The following PLCB4 variants were observed in gnomAD, a reference collection of about 807,000 sequenced individuals.
The protein encoded by PLCB4 is 1-phosphatidylinositol 4,5-bisphosphate phosphodiesterase beta-4.
In PLCB4, 77 loss-of-function variants were observed where a neutral mutation model predicts 178.8. The observed-to-expected ratio is 0.43, with a 90% CI of 0.36 to 0.52. PLCB4 has a LOEUF of 0.52. Ranked by LOEUF, PLCB4 falls within the 20% of genes least tolerant of loss-of-function variation. The pLI is 0.00. For synonymous variants in PLCB4, 496 were observed against 490.8 expected, an observed-to-expected ratio of 1.01 and a Z score of -0.14; for missense variants, 1,024 against 1,453.4, an observed-to-expected ratio of 0.70 and a Z score of 4.80.
chr20:9,140,954 G>A (rs926895837), intron 2 of PLCB4, among the ~76,000 whole-genome samples: 7 of 152,016 alleles, frequency 4.6e-5, no homozygotes, highest in Admixed American at 1.3e-4. Context: ...GACTAGCCTC[G>A]TTTCAGGGAA....
At position 9,338,067 on chromosome 20, in the gene PLCB4, G is replaced by GCAA; in HGVS notation, c.225_225+1insCAA (p.Lys75_Asp76insGln). 6.2e-7 allele frequency: 1 copy of GCAA among 1,600,104 alleles called. No homozygotes were observed. The highest frequency in any genetic ancestry group is 8.6e-7 in the Non-Finnish European group (1 of 1,167,550). On this transcript the variant is annotated inframe_insertion and splice_region_variant. Coordinates refer to ENST00000378473, the MANE Select transcript of PLCB4 (RefSeq NM_001377142.1). Reference sequence around the variant, plus strand: ...GTATTCGGTCGGGAGCCATACCAAAGGTACCTGTGATTGGTATTTGCTTTT... The same window carrying GCAA: ...GTATTCGGTCGGGAGCCATACCAAAGCAAGTACCTGTGATTGGTATTTGCTTTT...
At chr20:9,428,773 G>A (rs918017519) in intron 28 of PLCB4, among the ~76,000 whole-genome samples, 1 of 152,108 alleles carries the variant, frequency 6.6e-6, no homozygotes, top group Non-Finnish European at 1.5e-5. Context: ...GGTGGGGAGG[G>A]GGAGTGTAGG....
intron 12 of PLCB4, 139 bp downstream of exon 12, chr20:9,373,243 A>G (rs1490037655): frequency 5.7e-6 from 3 of 529,052 alleles, no homozygotes; most frequent in Non-Finnish European, 1.0e-5. Flanking sequence ...TGGCTTTACC[A>G]GGTGCAAAAA....
At chr20:9,464,019 A>G (rs1051274210) in intron 35 of PLCB4, among the ~76,000 whole-genome samples, 3 of 152,184 alleles carry the variant, frequency 2.0e-5, no homozygotes, top group African/African-American at 4.8e-5. Context: ...AATTGACAAC[A>G]TAATTGGAAG....
chr20:9,251,768 A>G (rs1414906267), intron 3 of PLCB4, among the ~76,000 whole-genome samples: 2 of 152,162 alleles, frequency 1.3e-5, no homozygotes, highest in African/African-American at 4.8e-5. Context: ...ATCTTGACCA[A>G]TGTTGTTTAA....
At chr20:9,127,859 A>G (rs2092164120) in intron 2 of PLCB4, among the ~76,000 whole-genome samples, 1 of 151,786 alleles carries the variant, frequency 6.6e-6, no homozygotes, top group African/African-American at 2.4e-5. Flanking sequence ...TACTTTTTGT[A>G]TTTTTTTAGT....
Position 9,265,338 on chromosome 20 carries a change from C to T in PLCB4, c.-15-42462C>T, listed in dbSNP as rs1335673619. 3.3e-5 allele frequency among the ~76,000 whole-genome samples: 5 copies of T among 152,194 alleles called. No homozygotes were observed. In the East Asian group the frequency reaches 9.7e-4, roughly 29 times the overall value. On this transcript the variant is annotated intron_variant, in intron 3 of 39. Transcript: ENST00000378473. ...TCTCTACTAAAAATACAAAAATTAGCTGGGCATGTTGCCACACGCCTGTAA... is the reference window on the plus strand; with the variant it reads ...TCTCTACTAAAAATACAAAAATTAGTTGGGCATGTTGCCACACGCCTGTAA...
intron 32 of PLCB4, among the ~76,000 whole-genome samples, chr20:9,448,577 A>G (rs1052813122): frequency 5.9e-5 from 9 of 151,688 alleles, no homozygotes; most frequent in Non-Finnish European, 8.8e-5. Flanking sequence ...GCAGCCCAAC[A>G]CAAATTTGTA....
chr20:9,427,648 G>A (rs2041116961), intron 28 of PLCB4, among the ~76,000 whole-genome samples: 1 of 152,230 alleles, frequency 6.6e-6, no homozygotes, highest in Non-Finnish European at 1.5e-5. Context: ...GGCTTTATCA[G>A]TGTTAGACAC....
chr20:9,139,272 T>C (rs900738268), intron 2 of PLCB4, among the ~76,000 whole-genome samples: 21 of 152,228 alleles, frequency 1.4e-4, no homozygotes, highest in African/African-American at 4.3e-4. Context: ...ACCACCACCA[T>C]TTAGTGCCTT....
intron 25 of PLCB4, among the ~76,000 whole-genome samples, chr20:9,411,437 C>A (rs1296454857): frequency 6.6e-6 from 1 of 152,138 alleles, no homozygotes; most frequent in Non-Finnish European, 1.5e-5. Flanking sequence ...TAAATATGTG[C>A]ATTTTACCTA....
intron 2 of PLCB4, among the ~76,000 whole-genome samples, chr20:9,118,623 G>A (rs561027529): frequency 5.4e-4 from 82 of 152,164 alleles, no homozygotes; most frequent in Admixed American, 1.2e-3. Context: ...GTAGCCACAT[G>A]TGATTGGTTC....
chr20:9,365,785 G>A (rs890673614), intron 9 of PLCB4, among the ~76,000 whole-genome samples: 5 of 152,146 alleles, frequency 3.3e-5, no homozygotes, highest in Admixed American at 6.5e-5. Flanking sequence ...TTTTAAAATC[G>A]GCAAATAAGT....
At chr20:9,284,881 C>G (rs1174574179) in intron 3 of PLCB4, among the ~76,000 whole-genome samples, 1 of 151,908 alleles carries the variant, frequency 6.6e-6, no homozygotes, top group Non-Finnish European at 1.5e-5. Context: ...AGGTCTAGAG[C>G]TCTGCTTAAG....
chr20:9,404,986 C>T (rs1430442801), intron 20 of PLCB4, among the ~76,000 whole-genome samples: 3 of 152,186 alleles, frequency 2.0e-5, no homozygotes, highest in African/African-American at 4.8e-5. Flanking sequence ...AATACCCAGA[C>T]ATGAATGCTG....
intron 2 of PLCB4, among the ~76,000 whole-genome samples, chr20:9,102,171 T>C (rs907431163): frequency 2.6e-5 from 4 of 152,194 alleles, no homozygotes; most frequent in African/African-American, 9.6e-5. Context: ...AGTGAGTTTT[T>C]AATCCTCTTG....
At chr20:9,384,621 A>G (rs2037421567) in intron 14 of PLCB4, among the ~76,000 whole-genome samples, 1 of 152,178 alleles carries the variant, frequency 6.6e-6, no homozygotes, top group Non-Finnish European at 1.5e-5. Flanking sequence ...TTTACTGTGA[A>G]AAGACTTTTC....
intron 36 of PLCB4, among the ~76,000 whole-genome samples, chr20:9,470,097 G>A (rs2122626677): frequency 6.6e-6 from 1 of 152,300 alleles, no homozygotes; most frequent in East Asian, 1.9e-4. Flanking sequence ...GGGAGGCCGA[G>A]GTGGGCAGAT....
At chr20:9,155,667 T>C (rs770879176) in intron 2 of PLCB4, among the ~76,000 whole-genome samples, 2 of 152,176 alleles carry the variant, frequency 1.3e-5, no homozygotes, top group Non-Finnish European at 2.9e-5. Context: ...CCTCAGTGTG[T>C]TGGGATCCTC....
Sources: allele counts gnomAD v4.1 joint callset (sites outside exome capture counted in the v4.1 genomes callset), GRCh38; gene constraint gnomAD v4.1.1; transcripts MANE v1.5; gene names NCBI Gene and HGNC (gene_info 2026-07-23, HGNC 2026-07-21).